Variants in CIMAP2 observed in about 807,000 individuals in gnomAD.
The protein encoded by CIMAP2 is ciliary microtubule associated protein 2.
the CIMAP2 span, among the ~76,000 whole-genome samples, chr1:54,839,050 C>T: frequency 0.052 from 7,871 of 152,184 alleles, 710 homozygotes; most frequent in African/African-American, 0.17. Flanking sequence ...CTAGTACAAT[C>T]GCAAAATAGG....
At chr1:54,824,991 G>A in the CIMAP2 span, among the ~76,000 whole-genome samples, 2 of 142,212 alleles carry the variant, frequency 1.4e-5, no homozygotes, top group African/African-American at 2.6e-5. Flanking sequence ...TGTGCATCTA[G>A]TATAACAGTC....
At chr1:54,828,380 G>A in the CIMAP2 span, among the ~76,000 whole-genome samples, 1 of 152,198 alleles carries the variant, frequency 6.6e-6, no homozygotes, top group Non-Finnish European at 1.5e-5. Context: ...GTGCCACCCA[G>A]GGCTGCAGTG....
At chr1:54,816,854 C>T in the CIMAP2 span, 2 of 1,245,870 alleles carry the variant, frequency 1.6e-6, no homozygotes, top group East Asian at 2.5e-5. Context: ...GTTGGGACCT[C>T]AACATATCTT....
At chr1:54,811,765 G>GCCGGGGGGGGGGGGGC in the CIMAP2 span, 5 of 1,301,322 alleles carry the variant, frequency 3.8e-6, no homozygotes, top group Non-Finnish European at 5.4e-6. Flanking sequence ...GGTTCTGACA[G>GCCGGGGGGGGGGGGGC]CCTCCATGCC....
the CIMAP2 span, among the ~76,000 whole-genome samples, chr1:54,816,441 C>A: frequency 6.6e-6 from 1 of 152,188 alleles, no homozygotes; most frequent in Non-Finnish European, 1.5e-5. Context: ...GATCTGTGAC[C>A]CCGATATCTG....
chr1:54,811,773 G>GGCCCCCCC, the CIMAP2 span: 15 of 1,325,026 alleles, frequency 1.1e-5, 1 homozygote, highest in South Asian at 2.6e-5. Flanking sequence ...CAGCCTCCAT[G>GGCCCCCCC]CCCCCACCCC....
At chr1:54,811,765 G>GCGGGGGGGGGGGGGGCGCCCCC in the CIMAP2 span, 1 of 1,301,330 alleles carries the variant, frequency 7.7e-7, no homozygotes, top group Non-Finnish European at 1.1e-6. Context: ...GGTTCTGACA[G>GCGGGGGGGGGGGGGGCGCCCCC]CCTCCATGCC....
chr1:54,813,602 G>C, the CIMAP2 span, among the ~76,000 whole-genome samples: 1 of 152,130 alleles, frequency 6.6e-6, no homozygotes, highest in African/African-American at 2.4e-5. Flanking sequence ...GACTAACCCC[G>C]CCCCGACCCG....
At chr1:54,811,773 G>GACCCCACCCCCCCC in the CIMAP2 span, 1 of 1,325,052 alleles carries the variant, frequency 7.5e-7, no homozygotes. Context: ...CAGCCTCCAT[G>GACCCCACCCCCCCC]CCCCCACCCC....
chr1:54,814,028 CG>C, the CIMAP2 span: 1 of 1,533,470 alleles, frequency 6.5e-7, no homozygotes, highest in Non-Finnish European at 8.8e-7. Context: ...GCTCTCCTTC[CG>C]GGGCTGGGCA....
At chr1:54,822,383 T>G in the CIMAP2 span, among the ~76,000 whole-genome samples, 1 of 84,144 alleles carries the variant, frequency 1.2e-5, no homozygotes, top group Non-Finnish European at 2.4e-5. Context: ...TTTGTATTGG[T>G]TTTTTTTTTT....
At chr1:54,814,090 C>A in the CIMAP2 span, 3 of 1,312,108 alleles carry the variant, frequency 2.3e-6, no homozygotes, top group Non-Finnish European at 2.1e-6. Flanking sequence ...TGGGATCAGA[C>A]TGACTTGGTT....
the CIMAP2 span, among the ~76,000 whole-genome samples, chr1:54,834,427 G>A: frequency 5.9e-5 from 9 of 152,224 alleles, no homozygotes; most frequent in Non-Finnish European, 1.3e-4. Context: ...TGATTTGGCA[G>A]AAGTTTATTT....
At chr1:54,813,720 G>T in the CIMAP2 span, 1 of 1,358,036 alleles carries the variant, frequency 7.4e-7, no homozygotes, top group Non-Finnish European at 1.0e-6. Flanking sequence ...AGTAAGTGAT[G>T]CCCCATTGCT....
At chr1:54,838,167 AG>A in the CIMAP2 span, among the ~76,000 whole-genome samples, 1 of 152,070 alleles carries the variant, frequency 6.6e-6, no homozygotes, top group Non-Finnish European at 1.5e-5. Flanking sequence ...ACTGTGTGCC[AG>A]GCACTGTACT....
At chr1:54,811,889 CAT>C in the CIMAP2 span, 1 of 1,613,802 alleles carries the variant, frequency 6.2e-7, no homozygotes, top group Non-Finnish European at 8.5e-7. Flanking sequence ...CCGAGGGCCT[CAT>C]GTGCAGGATG....
At chr1:54,828,488 C>G in the CIMAP2 span, among the ~76,000 whole-genome samples, 2 of 152,178 alleles carry the variant, frequency 1.3e-5, no homozygotes, top group South Asian at 4.1e-4. Context: ...TGTGCCACCA[C>G]ACCTGGCCAA....
At chr1:54,825,168 A>G in the CIMAP2 span, among the ~76,000 whole-genome samples, 4 of 146,286 alleles carry the variant, frequency 2.7e-5, no homozygotes, top group African/African-American at 1.0e-4. Context: ...CTCCTGCCTC[A>G]ACCTCCCGAG....
At chr1:54,841,609 T>C in the CIMAP2 span, 4 of 1,614,212 alleles carry the variant, frequency 2.5e-6, no homozygotes, top group Non-Finnish European at 3.4e-6. Context: ...TGTAATCCCA[T>C]CCTTAGAATC....
Sources: gnomAD v4.1 joint callset for allele counts (sites outside exome capture counted in the v4.1 genomes callset) on GRCh38, gnomAD v4.1.1 for gene constraint, MANE v1.5 for transcripts, NCBI Gene and HGNC (gene_info 2026-07-23, HGNC 2026-07-21) for gene names.